BPNT2: variants seen among roughly 807,000 people sequenced by gnomAD.
BPNT2 encodes 3'(2'), 5'-bisphosphate nucleotidase 2, also known as Golgi-resident adenosine 3',5'-bisphosphate 3'-phosphatase.
In BPNT2, 11 loss-of-function variants were observed where a neutral mutation model predicts 29.3. That is an observed-to-expected ratio of 0.38 (90% CI 0.24 to 0.62). BPNT2 has a LOEUF of 0.62. Among genes scored for constraint, BPNT2 ranks in the 20% least tolerant of loss-of-function variants. BPNT2 has a pLI of 0.62. For missense variants in BPNT2, 459 were observed against 473.4 expected, an observed-to-expected ratio of 0.97 and a Z score of 0.28; for synonymous variants, 195 against 187.7, an observed-to-expected ratio of 1.04 and a Z score of -0.32.
intron 3 of BPNT2, among the ~76,000 whole-genome samples, chr8:56,976,227 G>A (rs1806130487): frequency 1.3e-5 from 2 of 152,158 alleles, no homozygotes; most frequent in Admixed American, 1.3e-4. Flanking sequence ...CACAGAGGAA[G>A]ACAACAGCAA....
chr8:56,960,726 C>T lies in BPNT2; in HGVS notation c.*3067G>A, dbSNP rs186643700. On this transcript the variant is annotated 3_prime_UTR_variant, in exon 5 of 5. Coordinates refer to ENST00000262644, the MANE Select transcript of BPNT2 (RefSeq NM_017813.5). ...CCCAACTCTCTTGTATTTTTTTTTACATTTACATTCTTGAACAATGGGTAG... is the reference window on the plus strand; with the variant it reads ...CCCAACTCTCTTGTATTTTTTTTTATATTTACATTCTTGAACAATGGGTAG... The T allele has an allele frequency of 6.6e-6, 1 of 152,094 alleles. No homozygotes were observed. The highest frequency in any genetic ancestry group is 1.5e-5 in the Non-Finnish European group (1 of 67,976). The allele number at this position is 152,094 out of a possible 1,614,324, so 9.4% of individuals were successfully genotyped here.
chr8:56,986,464 A>G (rs1290714025), intron 1 of BPNT2, among the ~76,000 whole-genome samples: 1 of 152,232 alleles, frequency 6.6e-6, no homozygotes, highest in Non-Finnish European at 1.5e-5. Context: ...GCTAAACAAT[A>G]CCTTAAAATT....
At position 56,966,286 on chromosome 8, in the gene BPNT2, C is replaced by T. The variant is rs1407637616; in HGVS notation, c.713G>A (p.Arg238Lys). The T allele has an allele frequency of 6.2e-7, 1 of 1,613,860 alleles. No individual in the cohort carries two copies. Among genetic ancestry groups the T allele is most frequent in the African/African-American group, 1.3e-5 (1 of 74,922 alleles). ...ARSSYNEKTP[R>K]IVVSRSHSGM... ...TGAATGGGAACGAGACACAACGATC[C>T]TTGGGGTCTTCTCATTGTAGGAAGA... Residue 238 changes from arginine (R) to lysine (K), a missense_variant, in exon 4 of 5, where the codon AGG becomes AAG. By Grantham distance (26) the Arg-to-Lys change is conservative. Transcript: ENST00000262644.
chr8:56,993,672 G>A lies in BPNT2; in HGVS notation c.-87C>T, dbSNP rs1806459337. The A allele has an allele frequency of 1.8e-6, 2 of 1,099,932 alleles. No homozygotes were observed. Among genetic ancestry groups the A allele is most frequent in the Non-Finnish European group, 2.2e-6 (2 of 907,750 alleles). 68.1% of individuals were successfully genotyped at this position (1,099,932 alleles called of 1,614,324 possible). A position where few individuals can be genotyped will look rare whatever the true frequency, so the allele number is the denominator to read the frequency against. On this transcript the variant is annotated 5_prime_UTR_variant, in exon 1 of 5. Coordinates refer to ENST00000262644, the MANE Select transcript of BPNT2 (RefSeq NM_017813.5). ...CGCCGCCGCAGCCGCCGCGCTCCGG[G>A]CCAGGCGCCGCGCGGGCTACACTGG...
intron 3 of BPNT2, chr8:56,967,253 T>G: frequency 2.2e-6 from 1 of 456,282 alleles, no homozygotes; most frequent in East Asian, 6.9e-5. Flanking sequence ...TTAGCTGAGT[T>G]TGGGTTTCTG....
chr8:56,959,302 G>C lies in BPNT2; in HGVS notation c.*4491C>G, dbSNP rs1423768821. ...CAACCTTAAAAATAAATAAAGCTTTGCCAATGGTAAATTGGAATGCATATA... is the reference window on the plus strand; with the variant it reads ...CAACCTTAAAAATAAATAAAGCTTTCCCAATGGTAAATTGGAATGCATATA... On this transcript the variant is annotated 3_prime_UTR_variant, in exon 5 of 5. Transcript: ENST00000262644. 2 of 152,126 alleles carry C rather than the reference G, an allele frequency of 1.3e-5. No homozygotes were observed. The highest frequency in any genetic ancestry group is 2.9e-5 in the Non-Finnish European group (2 of 68,034). 9.4% of individuals were successfully genotyped at this position (152,126 alleles called of 1,614,324 possible).
chr8:56,981,636 C>T lies in BPNT2; in HGVS notation c.388-1439G>A, dbSNP rs142606703. On this transcript the variant is annotated intron_variant, in intron 1 of 4. Transcript: ENST00000262644. ...ATTTACTTTTGTAAACTGGCATATA[C>T]CAATTGACTAAATCTAAGAATTGAG... is the stretch of plus-strand genomic sequence containing the variant. 4.0e-3 allele frequency among the ~76,000 whole-genome samples: 615 copies of T among 152,080 alleles called. 12 individuals carry two copies. The highest frequency in any genetic ancestry group is 0.031 in the Admixed American group (467 of 15,284).
chr8:56,970,920 C>G (rs987830564), intron 3 of BPNT2, among the ~76,000 whole-genome samples: 3 of 151,884 alleles, frequency 2.0e-5, no homozygotes, highest in African/African-American at 7.3e-5. Flanking sequence ...AACAAAAAAT[C>G]CTCTTAATCC....
At chr8:56,973,022 C>A (rs937067857) in intron 3 of BPNT2, among the ~76,000 whole-genome samples, 1 of 152,218 alleles carries the variant, frequency 6.6e-6, no homozygotes, top group South Asian at 2.1e-4. Flanking sequence ...ACCCCCGAGT[C>A]TTGAAAGGAA....
intron 1 of BPNT2, among the ~76,000 whole-genome samples, chr8:56,989,880 G>A (rs1806388893): frequency 6.6e-6 from 1 of 152,152 alleles, no homozygotes; most frequent in Admixed American, 6.5e-5. Flanking sequence ...AGAATTAGCT[G>A]TCCTACTATC....
chr8:56,980,452 T>C (rs1334590027), intron 1 of BPNT2, among the ~76,000 whole-genome samples: 1 of 151,920 alleles, frequency 6.6e-6, no homozygotes, highest in Non-Finnish European at 1.5e-5. Context: ...AATTCGGATA[T>C]AGAGAAATAT....
rs1805854305 is a variant in BPNT2 at position 56,962,516 on chromosome 8, A to G, written c.*1277T>C. 6.6e-6 allele frequency: 1 copy of G among 152,236 alleles called. No individual in the cohort carries two copies. The highest frequency in any genetic ancestry group is 1.5e-5 in the Non-Finnish European group (1 of 68,040). The allele number at this position is 152,236 out of a possible 1,614,324, so 9.4% of individuals were successfully genotyped here. A position where few individuals can be genotyped will look rare whatever the true frequency, so the allele number is the denominator to read the frequency against. On this transcript the variant is annotated 3_prime_UTR_variant, in exon 5 of 5. Coordinates refer to ENST00000262644, the MANE Select transcript of BPNT2 (RefSeq NM_017813.5). ...TTTACATGAAGTTTCCAGATTTCAC[A>G]TTGAGAGAAACCATACATCCCAATG...
At position 56,960,894 on chromosome 8, in the gene BPNT2, T is replaced by G. The variant is rs990195578; in HGVS notation, c.*2899A>C. 2.0e-5 allele frequency: 3 copies of G among 152,208 alleles called. No individual in the cohort carries two copies. The highest frequency in any genetic ancestry group is 7.2e-5 in the African/African-American group (3 of 41,448). The allele number at this position is 152,208 out of a possible 1,614,324, so 9.4% of individuals were successfully genotyped here. ...CTCCTCCAGGATTGATCTCTGATAC[T>G]AGGAACTTTACCAGAGCTTCAGATT... On this transcript the variant is annotated 3_prime_UTR_variant, in exon 5 of 5. Transcript: ENST00000262644.
At chr8:56,991,171 C>G (rs111936669) in intron 1 of BPNT2, among the ~76,000 whole-genome samples, 5 of 152,204 alleles carry the variant, frequency 3.3e-5, no homozygotes, top group Admixed American at 6.5e-5. Context: ...ATAAGGAGAT[C>G]GCTCAACATG....
intron 3 of BPNT2, among the ~76,000 whole-genome samples, chr8:56,972,512 T>A (rs192453935): frequency 9.4e-4 from 143 of 152,212 alleles, no homozygotes; most frequent in African/African-American, 3.3e-3. Flanking sequence ...CACTTTTTAA[T>A]GAAATACCTT....
chr8:56,975,473 TA>T (rs566900584), intron 3 of BPNT2, among the ~76,000 whole-genome samples: 1 of 152,086 alleles, frequency 6.6e-6, no homozygotes, highest in Non-Finnish European at 1.5e-5. Flanking sequence ...TTTTTTTAAT[TA>T]AAAAAAGTCA....
intron 3 of BPNT2, among the ~76,000 whole-genome samples, chr8:56,974,653 G>T (rs1806099869): frequency 6.6e-6 from 1 of 152,192 alleles, no homozygotes; most frequent in South Asian, 2.1e-4. Context: ...ATTTTAGAGA[G>T]TTTGCGGACT....
intron 1 of BPNT2, among the ~76,000 whole-genome samples, chr8:56,990,964 G>A (rs1806408109): frequency 6.6e-6 from 1 of 152,182 alleles, no homozygotes. Context: ...TTTTCCACTA[G>A]GAAGTAAACT....
At position 56,978,148 on chromosome 8, in the gene BPNT2, AT is replaced by A; in HGVS notation, c.551-4del. The A allele has an allele frequency of 6.3e-7, 1 of 1,580,762 alleles. No homozygotes were observed. ...AGTGACGTACTTTCGAAGATCCTCT[AT>A]GAGAAAAAAAACAAAACAACACACA... On this transcript the variant is annotated splice_region_variant and splice_polypyrimidine_tract_variant and intron_variant, in intron 2 of 4. Coordinates refer to ENST00000262644, the MANE Select transcript of BPNT2 (RefSeq NM_017813.5).
Sources: allele counts gnomAD v4.1 joint callset (sites outside exome capture counted in the v4.1 genomes callset), GRCh38; gene constraint gnomAD v4.1.1; transcripts MANE v1.5; gene names NCBI Gene and HGNC (gene_info 2026-07-23, HGNC 2026-07-21).